Variants in HPSE2 observed in about 807,000 individuals in gnomAD.
The protein encoded by HPSE2 is inactive heparanase-2.
HPSE2 carries 38 observed loss-of-function variants against 60.5 expected under a neutral mutation model. The ratio of observed to expected loss-of-function variants is 0.63; its 90% CI spans 0.48 to 0.82. HPSE2 has a LOEUF of 0.82. Among genes scored for constraint, HPSE2 ranks in the 40% least tolerant of loss-of-function variants. The pLI is 0.00. For missense variants in HPSE2, 713 were observed against 740.4 expected, an observed-to-expected ratio of 0.96 and a Z score of 0.43; for synonymous variants, 295 against 293.2, an observed-to-expected ratio of 1.01 and a Z score of -0.06.
intron 3 of HPSE2, among the ~76,000 whole-genome samples, chr10:98,891,650 C>A (rs1441685433): frequency 6.6e-6 from 1 of 152,054 alleles, no homozygotes; most frequent in Non-Finnish European, 1.5e-5. Flanking sequence ...GAGACAGGGT[C>A]TCACTGTGTT....
chr10:98,980,418 G>C (rs951763418), intron 3 of HPSE2, among the ~76,000 whole-genome samples: 1 of 152,084 alleles, frequency 6.6e-6, no homozygotes, highest in African/African-American at 2.4e-5. Context: ...TCATGAATCA[G>C]GCAGCCTGAA....
intron 2 of HPSE2, among the ~76,000 whole-genome samples, chr10:99,201,983 A>G (rs1848590908): frequency 6.6e-6 from 1 of 152,124 alleles, no homozygotes; most frequent in Admixed American, 6.5e-5. Context: ...TACTCTAACC[A>G]CAGCCATCTC....
intron 3 of HPSE2, among the ~76,000 whole-genome samples, chr10:98,767,265 C>T (rs776454488): frequency 6.6e-6 from 1 of 151,802 alleles, no homozygotes. Context: ...TAGAAATAGC[C>T]TAAATGTCCA....
chr10:98,742,978 T>C (rs113309150), intron 4 of HPSE2, among the ~76,000 whole-genome samples: 2 of 134,154 alleles, frequency 1.5e-5, no homozygotes, highest in African/African-American at 3.0e-5. Context: ...TCTTTTCTTT[T>C]TTTTTTTTTT....
At chr10:99,007,271 T>C (rs907389299) in intron 3 of HPSE2, among the ~76,000 whole-genome samples, 3 of 152,086 alleles carry the variant, frequency 2.0e-5, no homozygotes, top group African/African-American at 7.2e-5. Context: ...TGTGAGGGCT[T>C]GTGTGGCACT....
the HPSE2 span, among the ~76,000 whole-genome samples, chr10:99,311,215 C>T: frequency 6.6e-6 from 1 of 152,126 alleles, no homozygotes; most frequent in Admixed American, 6.5e-5. Flanking sequence ...AGCAAAATAA[C>T]ATAAACATCA....
At chr10:98,899,355 A>G (rs978234697) in intron 3 of HPSE2, among the ~76,000 whole-genome samples, 2 of 152,232 alleles carry the variant, frequency 1.3e-5, no homozygotes, top group African/African-American at 4.8e-5. Context: ...TGAAAGACAC[A>G]ATCAAGAGAA....
At chr10:99,134,262 G>A (rs997952568) in intron 3 of HPSE2, among the ~76,000 whole-genome samples, 4 of 152,170 alleles carry the variant, frequency 2.6e-5, no homozygotes, top group African/African-American at 7.2e-5. Context: ...ACCTGAAAGC[G>A]ATGAGGAGAA....
rs1408988216 is a variant in HPSE2 at position 98,664,428 on chromosome 10, G to A, written c.1005-22488C>T. On this transcript the variant is annotated intron_variant, in intron 6 of 11. Transcript: ENST00000370552. ...AGGGTGTAGCCTGTTTGCCAGCCAG[G>A]GAATCTGCTTGAGGCAGCGCCATGG... Among the ~76,000 whole-genome samples, 11 of 152,096 alleles carry A rather than the reference G, an allele frequency of 7.2e-5. 1 individual carries two copies. Among genetic ancestry groups the A allele is most frequent in the Admixed American group, 7.2e-4 (11 of 15,270 alleles).
intron 3 of HPSE2, among the ~76,000 whole-genome samples, chr10:98,796,481 G>A (rs1950783137): frequency 6.6e-6 from 1 of 152,164 alleles, no homozygotes; most frequent in Non-Finnish European, 1.5e-5. Context: ...TTTGTATTGT[G>A]GTGTGAGTGC....
At chr10:98,496,288 A>G (rs1052241494) in intron 9 of HPSE2, among the ~76,000 whole-genome samples, 1 of 152,216 alleles carries the variant, frequency 6.6e-6, no homozygotes, top group Non-Finnish European at 1.5e-5. Context: ...GAGTAAAAAA[A>G]CAAAACAAAA....
At chr10:98,697,697 A>T (rs1948266603) in intron 5 of HPSE2, among the ~76,000 whole-genome samples, 2 of 152,136 alleles carry the variant, frequency 1.3e-5, no homozygotes, top group African/African-American at 4.8e-5. Flanking sequence ...ACCCCAAGAC[A>T]CGTAATGATC....
chr10:99,094,540 A>ATTTTTTT (rs531721304), intron 3 of HPSE2, among the ~76,000 whole-genome samples: 1 of 26,612 alleles, frequency 3.8e-5, no homozygotes, highest in African/African-American at 1.7e-4. Context: ...ATATATATAT[A>ATTTTTTT]TTTTTTTTTT....
chr10:99,105,502 GT>G (rs954710051), intron 3 of HPSE2, among the ~76,000 whole-genome samples: 15 of 144,466 alleles, frequency 1.0e-4, no homozygotes, highest in Middle Eastern at 3.7e-3. Flanking sequence ...AGTTGTAAGA[GT>G]TTTTTTTTTC....
chr10:98,548,118 C>T (rs190102367), intron 9 of HPSE2, among the ~76,000 whole-genome samples: 40 of 152,262 alleles, frequency 2.6e-4, no homozygotes, highest in Non-Finnish European at 4.6e-4. Context: ...ATAACTATAA[C>T]ATAATGATAG....
At chr10:98,997,111 T>C (rs1339826707) in intron 3 of HPSE2, among the ~76,000 whole-genome samples, 3 of 92,850 alleles carry the variant, frequency 3.2e-5, no homozygotes, top group African/African-American at 9.4e-5. Context: ...ACAGACCCTT[T>C]CTTTTTTTTT....
chr10:98,556,972 C>A (rs1252758), intron 9 of HPSE2, among the ~76,000 whole-genome samples: 130,799 of 151,914 alleles, frequency 0.86, 57,247 homozygotes, highest in East Asian at 1. Flanking sequence ...GCACTTTGGG[C>A]GGCTGAGGGG....
Position 98,908,410 on chromosome 10 carries a change from G to A in HPSE2, c.611-164354C>T, listed in dbSNP as rs538072512. 1.4e-4 allele frequency among the ~76,000 whole-genome samples: 22 copies of A among 152,218 alleles called. No homozygotes were observed. The South Asian group carries it at 3.7e-3, about 26-fold the overall frequency. ...ATAAGATGGTATATGGAGGCTGGGC[G>A]CAGTGGCTCACGCCTGTTATCCCAG... On this transcript the variant is annotated intron_variant, in intron 3 of 11. Transcript: ENST00000370552.
chr10:98,681,968 T>C (rs572841004), intron 6 of HPSE2, among the ~76,000 whole-genome samples: 194 of 152,322 alleles, frequency 1.3e-3, no homozygotes, highest in African/African-American at 4.5e-3. Context: ...ATAAACCTAT[T>C]GTAAATTCAA....
Sources: allele counts gnomAD v4.1 joint callset (sites outside exome capture counted in the v4.1 genomes callset), GRCh38; gene constraint gnomAD v4.1.1; transcripts MANE v1.5; gene names NCBI Gene and HGNC (gene_info 2026-07-23, HGNC 2026-07-21).